Variants in SEMA4B observed in about 807,000 individuals in gnomAD.
SEMA4B encodes semaphorin-4B.
SEMA4B carries 55 observed loss-of-function variants against 88.1 expected under a neutral mutation model. The ratio of observed to expected loss-of-function variants is 0.62; its 90% confidence interval spans 0.50 to 0.78. SEMA4B has a LOEUF of 0.78. Among genes scored for constraint, SEMA4B ranks in the 30% least tolerant of loss-of-function variants. The probability of loss-of-function intolerance (pLI) is 0.00; values close to 1 mark genes in which losing one functional copy is unlikely to be tolerated. For missense variants in SEMA4B, 1,062 were observed against 1,111.9 expected (o/e 0.96, Z 0.64); for synonymous variants, 525 against 473.6 (o/e 1.11, Z -1.41).
In SEMA4B at chr15:90,225,067, C is replaced by G; in HGVS notation, c.1294C>G (p.Gln432Glu). 1 of 1,613,876 alleles carries G rather than the reference C, an allele frequency of 6.2e-7. No individual in the cohort carries two copies. Among genetic ancestry groups the G allele is most frequent in the Non-Finnish European group, 8.5e-7 (1 of 1,179,834 alleles). The part of the protein sequence containing the change: ...FLKDHFLMDG[Q>E]VRSRMLLLQP... Reference sequence around the variant, plus strand: ...CAAGGACCACTTCCTGATGGACGGGCAGGTCCGAAGCCGCATGCTGCTGCT... The same window carrying G: ...CAAGGACCACTTCCTGATGGACGGGGAGGTCCGAAGCCGCATGCTGCTGCT... Residue 432 changes from glutamine (Q) to glutamate (E), a missense_variant, in exon 10 of 14, where the codon CAG becomes GAG. By Grantham distance (29) the Gln-to-Glu change is conservative. Coordinates refer to ENST00000411539, the MANE Select transcript of SEMA4B (RefSeq NM_198925.4).
Position 90,217,543 on chromosome 15 carries a change from G to C in SEMA4B, c.262G>C (p.Glu88Gln). The C allele has an allele frequency of 1.9e-6, 3 of 1,614,014 alleles. No individual in the cohort carries two copies. Among genetic ancestry groups the C allele is most frequent in the Non-Finnish European group, 2.5e-6 (3 of 1,179,902 alleles). Reference protein sequence around the residue: ...DGRTLYVGAREALFALSSNLS... With the variant: ...DGRTLYVGARQALFALSSNLS... Reference sequence around the variant, plus strand: ...CAGGACCCTGTACGTGGGTGCTCGAGAGGCCCTCTTTGCACTCAGTAGCAA... The same window carrying C: ...CAGGACCCTGTACGTGGGTGCTCGACAGGCCCTCTTTGCACTCAGTAGCAA... The change falls in exon 2 of 14, where the codon GAG (glutamate) becomes CAG (glutamine). Residue 88 changes from glutamate (E) to glutamine (Q), a missense_variant. Transcript: ENST00000411539.
chr15:90,217,668 G>A, intron 2 of SEMA4B, 66 bp downstream of exon 2: 1 of 1,605,932 alleles, frequency 6.2e-7, no homozygotes, highest in Non-Finnish European at 8.5e-7. Flanking sequence ...TGGACGGGAA[G>A]CTTGACCTTC....
At chr15:90,217,630 G>C (rs983903559) in intron 2 of SEMA4B, 28 bp downstream of exon 2, 12 of 1,612,108 alleles carry the variant, frequency 7.4e-6, no homozygotes, top group Middle Eastern at 1.7e-4. Context: ...GAGCTGGCTA[G>C]GCTGGGCAGA....
At position 90,225,172 on chromosome 15, in the gene SEMA4B, G is replaced by T; in HGVS notation, c.1399G>T (p.Gly467Cys). ...CCACACCTACGATGTCCTCTTCCTGGGCACTGGTAAGTGTCTGCAGCCCAG... is the reference window on the plus strand; with the variant it reads ...CCACACCTACGATGTCCTCTTCCTGTGCACTGGTAAGTGTCTGCAGCCCAG... ...LHHTYDVLFL[G>C]TGDGRLHKAV... The change falls in exon 10 of 14, where the codon GGC (glycine) becomes TGC (cysteine). Residue 467 changes from glycine to cysteine, a missense_variant. Transcript: ENST00000411539. The T allele has an allele frequency of 6.3e-7, 1 of 1,599,506 alleles. No homozygotes were observed. The highest frequency in any genetic ancestry group is 2.3e-5 in the East Asian group (1 of 44,038).
intron 10 of SEMA4B, 23 bp downstream of exon 10, chr15:90,225,201 G>C (rs1962089271): frequency 6.4e-7 from 1 of 1,572,020 alleles, no homozygotes; most frequent in Admixed American, 1.9e-5. Context: ...AGCCCAGCAG[G>C]CTCAGGGGAA....
At chr15:90,206,349 C>T (rs1249263951) in intron 1 of SEMA4B, among the ~76,000 whole-genome samples, 1 of 152,202 alleles carries the variant, frequency 6.6e-6, no homozygotes, top group Non-Finnish European at 1.5e-5. Flanking sequence ...GGGAAGTCTG[C>T]TCCCTTGGAC....
rs921113157 is a variant in SEMA4B, at chr15:90,229,265, G to A, written c.*622G>A. 1.5e-5 allele frequency: 7 copies of A among 456,304 alleles called. No individual in the cohort carries two copies. Among genetic ancestry groups the A allele is most frequent in the Admixed American group, 2.4e-5 (1 of 42,516 alleles). 28.3% of individuals were successfully genotyped at this position (456,304 alleles called of 1,614,324 possible). On this transcript the variant is annotated 3_prime_UTR_variant, in exon 14 of 14. Coordinates refer to ENST00000411539, the MANE Select transcript of SEMA4B (RefSeq NM_198925.4). ...GCGGCCCTCACCAGGTCCTGGGCTC[G>A]GACCCAACTCCTGGACCTTTCCAGC...
At chr15:90,194,340 G>A (rs536628836) in intron 1 of SEMA4B, among the ~76,000 whole-genome samples, 11 of 151,752 alleles carry the variant, frequency 7.2e-5, no homozygotes, top group African/African-American at 2.2e-4. Flanking sequence ...GAGACCAGCC[G>A]TGACCAACAT....
intron 1 of SEMA4B, among the ~76,000 whole-genome samples, chr15:90,187,321 A>G (rs998138025): frequency 1.3e-5 from 2 of 152,200 alleles, no homozygotes; most frequent in South Asian, 2.1e-4. Flanking sequence ...AAAGTGGGGG[A>G]AAAGATCCAG....
intron 1 of SEMA4B, among the ~76,000 whole-genome samples, chr15:90,213,960 C>T (rs890398126): frequency 7.9e-5 from 12 of 152,204 alleles, no homozygotes; most frequent in Non-Finnish European, 1.3e-4. Context: ...GGGCCGGGCT[C>T]GGTGGCTCAG....
chr15:90,206,242 G>T (rs997973718), intron 1 of SEMA4B, among the ~76,000 whole-genome samples: 15 of 152,288 alleles, frequency 9.8e-5, no homozygotes, highest in Non-Finnish European at 2.1e-4. Context: ...GACTCAGGGG[G>T]CCTCTGATGT....
chr15:90,219,763 G>A (rs1204143194), intron 3 of SEMA4B, 30 bp from the exon 4 acceptor site: 2 of 1,579,578 alleles, frequency 1.3e-6, no homozygotes, highest in African/African-American at 2.7e-5. Flanking sequence ...TTGGGCGTGG[G>A]ACTGATATCC....
Position 90,217,617 on chromosome 15 carries a change from C to T in SEMA4B, c.321+15C>T. 1 of 1,612,784 alleles carries T rather than the reference C, an allele frequency of 6.2e-7. No homozygotes were observed. The highest frequency in any genetic ancestry group is 8.5e-7 in the Non-Finnish European group (1 of 1,179,182). ...AGTACCAGGAGGTGAGAGATGTTGC[C>T]TGGAGCTGGCTAGGCTGGGCAGAGG... is the stretch of plus-strand genomic sequence containing the variant. On this transcript the variant is annotated intron_variant, in intron 2 of 13. Coordinates refer to ENST00000411539, the MANE Select transcript of SEMA4B (RefSeq NM_198925.4).
Position 90,229,420 on chromosome 15 carries a change from C to T in SEMA4B, c.*777C>T, listed in dbSNP as rs1004407221. On this transcript the variant is annotated 3_prime_UTR_variant, in exon 14 of 14. Transcript: ENST00000411539. ...CTTCCTCCGTTGTTGCGTGAGAACC[C>T]GTGTGCCCCTTCCCACCATATCCAC... is the stretch of plus-strand genomic sequence containing the variant. 2.2e-6 allele frequency: 1 copy of T among 456,468 alleles called. No individual in the cohort carries two copies. The highest frequency in any genetic ancestry group is 4.4e-6 in the Non-Finnish European group (1 of 226,924). The allele number at this position is 456,468 out of a possible 1,614,324, so 28.3% of individuals were successfully genotyped here. A position where few individuals can be genotyped will look rare whatever the true frequency, so the allele number is the denominator to read the frequency against.
rs557936386 is a variant in SEMA4B, at chr15:90,222,485, G to T, written c.861+720G>T. On this transcript the variant is annotated intron_variant, in intron 7 of 13. Transcript: ENST00000411539. Reference sequence around the variant, plus strand: ...CTCAGGAGGCTGTGGCAAGAGAATCGCTTGAACCTGGGAGGTGGAGGTTGC... The same window carrying T: ...CTCAGGAGGCTGTGGCAAGAGAATCTCTTGAACCTGGGAGGTGGAGGTTGC... Among the ~76,000 whole-genome samples, 4 of 151,758 alleles carry T rather than the reference G, an allele frequency of 2.6e-5. No individual in the cohort carries two copies. The East Asian group carries it at 5.9e-4, about 22-fold the overall frequency.
Position 90,201,683 on chromosome 15 carries a change from G to A in SEMA4B, c.105G>A (p.Leu35=). ...TGCTCCTGCTGCTGCTGCTCCTGCT[G>A]CAGCCGCCGCCTCCGACCTGGGCGC... The part of the protein sequence containing the change: ...LLLLLLLLLL[L]QPPPPTWALS... The change falls in exon 1 of 14, where the codon CTG becomes CTA. Residue 35 remains leucine, a synonymous_variant. Coordinates refer to ENST00000411539, the MANE Select transcript of SEMA4B (RefSeq NM_198925.4). 1 of 1,512,122 alleles carries A rather than the reference G, an allele frequency of 6.6e-7. No homozygotes were observed. Among genetic ancestry groups the A allele is most frequent in the Non-Finnish European group, 8.8e-7 (1 of 1,137,160 alleles). The allele number at this position is 1,512,122 out of a possible 1,614,324, so 93.7% of individuals were successfully genotyped here. A position where few individuals can be genotyped will look rare whatever the true frequency, so the allele number is the denominator to read the frequency against.
chr15:90,198,823 C>T (rs771985563), upstream of SEMA4B, among the ~76,000 whole-genome samples: 4 of 152,138 alleles, frequency 2.6e-5, 1 homozygote, highest in Non-Finnish European at 5.9e-5. Context: ...GATGGGGGAA[C>T]CCTTGGAGGG....
At chr15:90,207,980 C>T (rs148816634) in intron 1 of SEMA4B, among the ~76,000 whole-genome samples, 27 of 152,270 alleles carry the variant, frequency 1.8e-4, no homozygotes, top group Admixed American at 1.0e-3. Context: ...AGGCCAGGTG[C>T]GGTGGCTCAC....
rs775105391 is a variant in SEMA4B, at chr15:90,217,718, CA to C, written c.322-48del. 3 of 1,597,304 alleles carry C rather than the reference CA, an allele frequency of 1.9e-6. No individual in the cohort carries two copies. The East Asian group carries it at 6.7e-5, about 36-fold the overall frequency. ...ATGCCTATGGGAGAGGAGGGAGGCT[CA>C]GCAAACCCTCCATTTTGTCCACTAC... On this transcript the variant is annotated intron_variant, in intron 2 of 13. Coordinates refer to ENST00000411539, the MANE Select transcript of SEMA4B (RefSeq NM_198925.4).
Sources: gnomAD v4.1 joint callset for allele counts (sites outside exome capture counted in the v4.1 genomes callset) on GRCh38, gnomAD v4.1.1 for gene constraint, MANE v1.5 for transcripts, NCBI Gene and HGNC (gene_info 2026-07-23, HGNC 2026-07-21) for gene names.